Variants in N4BP2 observed in about 807,000 individuals in gnomAD.
N4BP2 encodes the protein NEDD4 binding protein 2, also known as NEDD4-binding protein 2.
N4BP2 carries 91 observed loss-of-function variants against 152.8 expected under a neutral mutation model. The observed-to-expected ratio is 0.60, with a 90% CI of 0.50 to 0.71. N4BP2 has a LOEUF of 0.71. N4BP2 is among the 30% of genes least tolerant of loss of function. The probability of loss-of-function intolerance (pLI) is 0.00; values close to 1 mark genes in which losing one functional copy is unlikely to be tolerated. For missense variants in N4BP2, 1,923 were observed against 2,059.1 expected (o/e 0.93, Z 1.28); for synonymous variants, 646 against 705.3 (o/e 0.92, Z 1.33).
chr4:40,162,990 G>A (rs994322257), downstream of N4BP2, among the ~76,000 whole-genome samples: 54 of 152,306 alleles, frequency 3.5e-4, no homozygotes, highest in African/African-American at 1.1e-3. Context: ...CTTACAACAT[G>A]GTGGCTGGTT....
chr4:40,120,760 T>A lies in N4BP2; in HGVS notation c.2649T>A (p.Gly883=). The change falls in exon 9 of 18, where the codon GGT becomes GGA. Residue 883 remains glycine, a synonymous_variant. Coordinates refer to ENST00000261435, the MANE Select transcript of N4BP2 (RefSeq NM_018177.6). ...NIDKNSFNIM[G]DWPSSDSLAQ... Reference sequence around the variant, plus strand: ...ACAAAAACTCATTCAACATTATGGGTGACTGGCCTTCATCTGATTCTTTAG... The same window carrying A: ...ACAAAAACTCATTCAACATTATGGGAGACTGGCCTTCATCTGATTCTTTAG... The A allele has an allele frequency of 6.2e-7, 1 of 1,614,120 alleles. No individual in the cohort carries two copies. The highest frequency in any genetic ancestry group is 8.5e-7 in the Non-Finnish European group (1 of 1,180,006).
chr4:40,106,761 C>A, intron 4 of N4BP2, 139 bp from the exon 5 acceptor site: 3 of 703,568 alleles, frequency 4.3e-6, no homozygotes, highest in Non-Finnish European at 6.9e-6. Flanking sequence ...GTTGGCCAGG[C>A]TGGCCTTGAA....
chr4:40,126,238 C>A lies in N4BP2; in HGVS notation c.4435C>A (p.Pro1479Thr). ...GACTTTAACAGCATCTGAAATGCTA[C>A]CTTTATTGGATCATTGGAATACTCA... is the stretch of plus-strand genomic sequence containing the variant. Reference protein sequence around the residue: ...LKTLTASEMLPLLDHWNTQTK... With the variant: ...LKTLTASEMLTLLDHWNTQTK... Residue 1479 changes from proline (P) to threonine (T), a missense_variant, in exon 12 of 18, where the codon CCT becomes ACT. Pro to Thr is a conservative substitution (Grantham distance 38, BLOSUM62 -1). Transcript: ENST00000261435. The A allele has an allele frequency of 6.2e-7, 1 of 1,605,116 alleles. No individual in the cohort carries two copies. The highest frequency in any genetic ancestry group is 8.5e-7 in the Non-Finnish European group (1 of 1,174,624).
intron 2 of N4BP2, among the ~76,000 whole-genome samples, chr4:40,093,669 T>C (rs1033733568): frequency 3.9e-5 from 6 of 152,108 alleles, no homozygotes; most frequent in African/African-American, 7.2e-5. Flanking sequence ...CAGGCTGGAG[T>C]GCAATGGCAC....
At chr4:40,095,154 G>A (rs1396727812) in intron 2 of N4BP2, among the ~76,000 whole-genome samples, 1 of 151,924 alleles carries the variant, frequency 6.6e-6, no homozygotes, top group Non-Finnish European at 1.5e-5. Context: ...CGCTATCTTG[G>A]CTCACTGCAA....
chr4:40,112,583 A>G (rs1257424932), intron 6 of N4BP2, among the ~76,000 whole-genome samples: 1 of 152,146 alleles, frequency 6.6e-6, no homozygotes, highest in African/African-American at 2.4e-5. Context: ...GAAATTCAGC[A>G]TTCTGTAAAC....
the N4BP2 span, among the ~76,000 whole-genome samples, chr4:40,188,758 A>G: frequency 6.6e-6 from 1 of 151,844 alleles, no homozygotes; most frequent in Non-Finnish European, 1.5e-5. Flanking sequence ...AAAAAAAAAA[A>G]AAAAAAAAGT....
chr4:40,174,377 C>T, the N4BP2 span, among the ~76,000 whole-genome samples: 13 of 152,042 alleles, frequency 8.6e-5, no homozygotes, highest in Non-Finnish European at 1.6e-4. Context: ...CCAGCAATCC[C>T]TCTTCTAGGC....
At chr4:40,150,670 CA>C (rs1181074340) in intron 16 of N4BP2, among the ~76,000 whole-genome samples, 4 of 65,092 alleles carry the variant, frequency 6.1e-5, no homozygotes, top group African/African-American at 1.1e-4. Flanking sequence ...GACTCTGTCT[CA>C]GGGGGAAAAA....
chr4:40,066,215 C>T (rs535550720), intron 1 of N4BP2, among the ~76,000 whole-genome samples: 1 of 152,076 alleles, frequency 6.6e-6, no homozygotes, highest in South Asian at 2.1e-4. Context: ...AGGTGTGAGC[C>T]ACCGTGCCCG....
intron 11 of N4BP2, 66 bp from the exon 12 acceptor site, chr4:40,126,066 CAG>C: frequency 2.0e-6 from 2 of 988,886 alleles, no homozygotes; most frequent in Non-Finnish European, 2.8e-6. Flanking sequence ...GTAAATATAA[CAG>C]AGTGAATAAT....
At chr4:40,088,543 C>T (rs368580480) in intron 2 of N4BP2, among the ~76,000 whole-genome samples, 3 of 151,218 alleles carry the variant, frequency 2.0e-5, no homozygotes, top group South Asian at 2.1e-4. Flanking sequence ...TCTTGTTGCC[C>T]GGGCTGGAGG....
chr4:40,059,982 C>T (rs1206943585), intron 1 of N4BP2, among the ~76,000 whole-genome samples: 1 of 151,892 alleles, frequency 6.6e-6, no homozygotes, highest in Admixed American at 6.6e-5. Flanking sequence ...CTTTGTGACC[C>T]AAAACCTTAT....
rs550016013 is a variant in N4BP2 at position 40,104,885 on chromosome 4, A to G, written c.1373+1667A>G. 4.0e-5 allele frequency among the ~76,000 whole-genome samples: 6 copies of G among 151,774 alleles called. No homozygotes were observed. In the East Asian group the frequency reaches 1.2e-3, roughly 29 times the overall value. On this transcript the variant is annotated intron_variant, in intron 4 of 17. Transcript: ENST00000261435. ...AGTGGTGCGATCTCGGCTCACTGCAAGCTCCGCCTCCCAGGTTCACGCCAT... is the reference window on the plus strand; with the variant it reads ...AGTGGTGCGATCTCGGCTCACTGCAGGCTCCGCCTCCCAGGTTCACGCCAT...
chr4:40,105,648 C>T (rs1046797196), intron 4 of N4BP2, among the ~76,000 whole-genome samples: 4 of 151,292 alleles, frequency 2.6e-5, no homozygotes, highest in African/African-American at 9.7e-5. Flanking sequence ...TTCCTGGGTT[C>T]AAGCAATCCT....
At chr4:40,111,562 G>A (rs910689586) in intron 5 of N4BP2, among the ~76,000 whole-genome samples, 5 of 151,836 alleles carry the variant, frequency 3.3e-5, no homozygotes, top group African/African-American at 1.2e-4. Context: ...CTCATGATCC[G>A]CCTGACTTGG....
At chr4:40,060,233 C>T (rs1733551263) in intron 1 of N4BP2, among the ~76,000 whole-genome samples, 2 of 152,066 alleles carry the variant, frequency 1.3e-5, no homozygotes, top group South Asian at 2.1e-4. Context: ...TCAATTCTAT[C>T]TGAGCTCTCA....
At chr4:40,103,999 G>C (rs1715967863) in intron 4 of N4BP2, among the ~76,000 whole-genome samples, 1 of 151,896 alleles carries the variant, frequency 6.6e-6, no homozygotes, top group South Asian at 2.1e-4. Context: ...CTGTTGCCCA[G>C]GCTGGAGTGC....
Position 40,125,528 on chromosome 4 carries a change from T to C in N4BP2, c.4331-606T>C, listed in dbSNP as rs1718308466. On this transcript the variant is annotated intron_variant, in intron 11 of 17. Coordinates refer to ENST00000261435, the MANE Select transcript of N4BP2 (RefSeq NM_018177.6). Reference sequence around the variant, plus strand: ...TCTATTTACCAGTGTCCTGTATACATGTCACTATGTTTTGGGTTGATATGA... The same window carrying C: ...TCTATTTACCAGTGTCCTGTATACACGTCACTATGTTTTGGGTTGATATGA... Among the ~76,000 whole-genome samples, 3 of 152,202 alleles carry C rather than the reference T, an allele frequency of 2.0e-5. No individual in the cohort carries two copies. The South Asian group carries it at 6.2e-4, about 32-fold the overall frequency.
Sources: gnomAD v4.1 joint callset for allele counts (sites outside exome capture counted in the v4.1 genomes callset) on GRCh38, gnomAD v4.1.1 for gene constraint, MANE v1.5 for transcripts, NCBI Gene and HGNC (gene_info 2026-07-23, HGNC 2026-07-21) for gene names.